Variants in XPO4 observed in about 807,000 individuals in gnomAD.
XPO4 encodes exportin-4.
XPO4 carries 39 observed loss-of-function variants against 143.0 expected under a neutral mutation model. The ratio of observed to expected loss-of-function variants is 0.27; its 90% CI spans 0.21 to 0.36. The LOEUF (loss-of-function observed/expected upper bound fraction) is 0.36, where lower values mean the gene tolerates loss of function less well. XPO4 is among the 10% of genes least tolerant of loss of function. The pLI is 1.00. For missense variants in XPO4, 907 were observed against 1,348.0 expected, an observed-to-expected ratio of 0.67 and a Z score of 5.12; for synonymous variants, 439 against 474.0, an observed-to-expected ratio of 0.93 and a Z score of 0.96.
intron 9 of XPO4, among the ~76,000 whole-genome samples, chr13:20,816,319 A>G (rs913066639): frequency 6.6e-6 from 1 of 152,212 alleles, no homozygotes; most frequent in Non-Finnish European, 1.5e-5. Flanking sequence ...TAAGGCAAAT[A>G]TGGGAACAAT....
chr13:20,818,834 T>G (rs899735849), intron 9 of XPO4, among the ~76,000 whole-genome samples: 1 of 152,128 alleles, frequency 6.6e-6, no homozygotes, highest in Non-Finnish European at 1.5e-5. Flanking sequence ...TTTGTTTTTT[T>G]GTTGAGATGG....
At chr13:20,835,841 C>T (rs1283948314) in intron 6 of XPO4, among the ~76,000 whole-genome samples, 1 of 151,930 alleles carries the variant, frequency 6.6e-6, no homozygotes, top group Non-Finnish European at 1.5e-5. Context: ...AAGACCAACC[C>T]CTCCTCTTCC....
At chr13:20,788,215 C>G (rs1022399344) in intron 20 of XPO4, among the ~76,000 whole-genome samples, 5 of 152,002 alleles carry the variant, frequency 3.3e-5, no homozygotes, top group Non-Finnish European at 5.9e-5. Context: ...GCCACCACGC[C>G]CAGCTAATTT....
At chr13:20,852,642 T>C (rs1036532446) in intron 4 of XPO4, 1 of 962,290 alleles carries the variant, frequency 1.0e-6, no homozygotes, top group African/African-American at 1.8e-5. Flanking sequence ...TTTTATAACA[T>C]TTAAATAATG....
At chr13:20,802,437 C>T (rs565500158) in intron 13 of XPO4, among the ~76,000 whole-genome samples, 1 of 152,104 alleles carries the variant, frequency 6.6e-6, no homozygotes, top group Admixed American at 6.6e-5. Flanking sequence ...GGTATATGAA[C>T]AACAACAAAA....
intron 1 of XPO4, among the ~76,000 whole-genome samples, chr13:20,882,109 C>CAAAA (rs35404161): frequency 1.4e-4 from 13 of 93,216 alleles, no homozygotes; most frequent in African/African-American, 2.8e-4. Context: ...GACTCGGTCT[C>CAAAA]AAAAAAAAAA....
At chr13:20,868,391 G>A (rs80072430) in intron 2 of XPO4, 1 of 793,548 alleles carries the variant, frequency 1.3e-6, no homozygotes, top group Non-Finnish European at 1.7e-6. Context: ...ATCTAGGGGG[G>A]AAAAATCCAA....
chr13:20,878,995 A>C, intron 1 of XPO4: 1 of 693,228 alleles, frequency 1.4e-6, no homozygotes, highest in Non-Finnish European at 1.8e-6. Context: ...ATTTCTTAAA[A>C]ATTTTAAGTG....
chr13:20,841,115 T>C (rs903809886), intron 6 of XPO4, among the ~76,000 whole-genome samples: 1 of 152,238 alleles, frequency 6.6e-6, no homozygotes, highest in Non-Finnish European at 1.5e-5. Flanking sequence ...CACTTTAAAA[T>C]ATATGCAGTG....
chr13:20,833,690 A>C (rs1029880349), intron 6 of XPO4, among the ~76,000 whole-genome samples: 1 of 139,466 alleles, frequency 7.2e-6, no homozygotes, highest in Admixed American at 8.2e-5. Context: ...AGGGAGCCAA[A>C]TGGGGAAAAA....
At chr13:20,813,747 C>G (rs2059613233) in intron 9 of XPO4, among the ~76,000 whole-genome samples, 1 of 152,128 alleles carries the variant, frequency 6.6e-6, no homozygotes, top group Non-Finnish European at 1.5e-5. Flanking sequence ...CACCTGAAAT[C>G]AGGAGTTCAA....
chr13:20,893,726 G>T (rs2060541112), intron 1 of XPO4, among the ~76,000 whole-genome samples: 1 of 137,318 alleles, frequency 7.3e-6, no homozygotes, highest in Non-Finnish European at 1.6e-5. Context: ...AACGTGCATT[G>T]CGCCACTGCA....
intron 2 of XPO4, among the ~76,000 whole-genome samples, chr13:20,867,114 T>TA (rs1242515108): frequency 5.9e-5 from 9 of 152,264 alleles, no homozygotes; most frequent in Admixed American, 4.6e-4. Flanking sequence ...TTGCTTCCTT[T>TA]AACATTGAGT....
Position 20,850,148 on chromosome 13 carries a change from A to C in XPO4, c.456+5479T>G, listed in dbSNP as rs570656394. On this transcript the variant is annotated intron_variant, in intron 4 of 22. Transcript: ENST00000255305. The stretch of plus-strand genomic sequence containing the variant: ...AATGATTAGTTTCACTCATAGCATA[A>C]ACATTTTCTTCTGCTTTTCCATACT... 3.0e-6 allele frequency: 3 copies of C among 985,196 alleles called. No individual in the cohort carries two copies. The Admixed American group carries it at 1.8e-4, about 61-fold the overall frequency. The allele number at this position is 985,196 out of a possible 1,614,324, so 61.0% of individuals were successfully genotyped here. A position where few individuals can be genotyped will look rare whatever the true frequency, so the allele number is the denominator to read the frequency against.
At chr13:20,825,786 T>G (rs1212923828) in intron 7 of XPO4, among the ~76,000 whole-genome samples, 1 of 152,244 alleles carries the variant, frequency 6.6e-6, no homozygotes, top group African/African-American at 2.4e-5. Flanking sequence ...TTGATCTTGA[T>G]AGTGGTTTTA....
chr13:20,862,593 G>A, intron 3 of XPO4, 124 bp downstream of exon 3: 1 of 1,205,786 alleles, frequency 8.3e-7, no homozygotes, highest in Non-Finnish European at 1.2e-6. Flanking sequence ...CTCCCAAAGT[G>A]GAGATTATAG....
chr13:20,881,115 G>A (rs964664084), intron 1 of XPO4, among the ~76,000 whole-genome samples: 2 of 152,042 alleles, frequency 1.3e-5, no homozygotes, highest in Non-Finnish European at 2.9e-5. Flanking sequence ...CATAGAAAGT[G>A]GAATCATGGT....
At chr13:20,850,700 G>A (rs1028851277) in intron 4 of XPO4, 2 of 701,190 alleles carry the variant, frequency 2.9e-6, no homozygotes, top group African/African-American at 3.9e-5. Flanking sequence ...AGGTGATCGA[G>A]GCAGCAGTGA....
At chr13:20,902,291 G>A in intron 1 of XPO4, 5 of 985,334 alleles carry the variant, frequency 5.1e-6, no homozygotes, top group Non-Finnish European at 6.0e-6. Flanking sequence ...CCCCAAGAGC[G>A]CTCACACAGC....
Sources: allele counts gnomAD v4.1 joint callset (sites outside exome capture counted in the v4.1 genomes callset), GRCh38; gene constraint gnomAD v4.1.1; transcripts MANE v1.5; gene names NCBI Gene and HGNC (gene_info 2026-07-23, HGNC 2026-07-21).